The following DYNC2H1 variants were observed in gnomAD, a reference collection of about 807,000 sequenced individuals.
The protein encoded by DYNC2H1 is dynein cytoplasmic 2 heavy chain 1, also known as cytoplasmic dynein 2 heavy chain 1.
Under a neutral mutation model 570.0 loss-of-function variants are expected in DYNC2H1, and 410 were observed. The observed-to-expected ratio is 0.72, with a 90% CI of 0.66 to 0.78. The LOEUF (loss-of-function observed/expected upper bound fraction) is 0.78, where lower values mean the gene tolerates loss of function less well. Ranked by LOEUF, DYNC2H1 falls within the 30% of genes least tolerant of loss-of-function variation. The pLI is 0.00. For synonymous variants in DYNC2H1, 1,688 were observed against 1,677.6 expected (o/e 1.01, Z -0.15); for missense variants, 4,865 against 5,046.4 (o/e 0.96, Z 1.09).
chr11:103,135,343 G>A (rs1368052989), intron 15 of DYNC2H1, among the ~76,000 whole-genome samples, 152 bp from the exon 16 acceptor site: 7 of 152,096 alleles, frequency 4.6e-5, no homozygotes, highest in Non-Finnish European at 1.0e-4. Context: ...CTTATACGGA[G>A]AGTAACAAGG....
chr11:103,258,494 C>T (rs1360395518), intron 69 of DYNC2H1, among the ~76,000 whole-genome samples: 5 of 152,196 alleles, frequency 3.3e-5, no homozygotes, highest in South Asian at 2.1e-4. Context: ...TGTTTCACAA[C>T]GTCTAGGACC....
Position 103,163,928 on chromosome 11 carries a change from G to A in DYNC2H1, c.4611+781G>A, listed in dbSNP as rs192140840. ...TTTATGTTGATTTTCTGTAAGTATG[G>A]AAGCTTGGAACAGTTTACATTCTGA... is the stretch of plus-strand genomic sequence containing the variant. On this transcript the variant is annotated intron_variant, in intron 30 of 88. Transcript: ENST00000375735. The surrounding 1 kb of genome is among the most constrained non-coding windows in gnomAD (Gnocchi z 4.6). 5.5e-3 allele frequency among the ~76,000 whole-genome samples: 833 copies of A among 152,262 alleles called. 14 individuals carry two copies. The highest frequency in any genetic ancestry group is 6.8e-3 in the Middle Eastern group (2 of 294).
chr11:103,358,368 T>G lies in DYNC2H1; in HGVS notation c.12156+9T>G, dbSNP rs1483558473. ...GGAAGAAACTAAACCAGGTTAGTAG[T>G]GGAATATTCTTCTGATTCTTTTGCT... On this transcript the variant is annotated intron_variant, in intron 83 of 88. Coordinates refer to ENST00000375735, the MANE Select transcript of DYNC2H1 (RefSeq NM_001377.3). The G allele has an allele frequency of 6.6e-7, 1 of 1,524,206 alleles. No individual in the cohort carries two copies. Among genetic ancestry groups the G allele is most frequent in the Non-Finnish European group, 9.0e-7 (1 of 1,117,256 alleles). 94.4% of individuals were successfully genotyped at this position (1,524,206 alleles called of 1,614,324 possible).
intron 34 of DYNC2H1, among the ~76,000 whole-genome samples, chr11:103,171,334 C>T (rs1861560762): frequency 6.6e-6 from 1 of 151,964 alleles, no homozygotes; most frequent in African/African-American, 2.4e-5. Context: ...TGGCTCACTG[C>T]CACCTCTGCC....
chr11:103,279,901 A>G (rs927342366), intron 70 of DYNC2H1, among the ~76,000 whole-genome samples: 8 of 152,206 alleles, frequency 5.3e-5, no homozygotes, highest in African/African-American at 1.4e-4. Flanking sequence ...TTCCTGTTTG[A>G]TTTAGGAAAT....
chr11:103,413,222 A>T (rs781328051), intron 84 of DYNC2H1, among the ~76,000 whole-genome samples: 4 of 152,212 alleles, frequency 2.6e-5, no homozygotes, highest in Non-Finnish European at 4.4e-5. Flanking sequence ...TTATAAAATG[A>T]CTGGGGACCT....
At position 103,222,151 on chromosome 11, in the gene DYNC2H1, A is replaced by G. The variant is rs1591433028; in HGVS notation, c.9229A>G (p.Lys3077Glu). ...LFKNKGSFDP[K>E]NAKRASTAAA... ...TAAAAATAAAGGCTCTTTTGATCCA[A>G]AGGTAATTTTTAAGTTATACTATAA... The change falls in exon 58 of 89, where the codon AAG becomes GAG. Residue 3077 changes from lysine to glutamate, a missense_variant and splice_region_variant. Transcript: ENST00000375735. 1 of 1,539,334 alleles carries G rather than the reference A, an allele frequency of 6.5e-7. No individual in the cohort carries two copies. The highest frequency in any genetic ancestry group is 2.3e-5 in the East Asian group (1 of 44,100).
At position 103,275,617 on chromosome 11, in the gene DYNC2H1, T is replaced by C. The variant is rs2135321892; in HGVS notation, c.10696-4731T>C. Among the ~76,000 whole-genome samples, 1 of 152,338 alleles carries C rather than the reference T, an allele frequency of 6.6e-6. No individual in the cohort carries two copies. The highest frequency in any genetic ancestry group is 3.4e-3 in the Middle Eastern group (1 of 294). On this transcript the variant is annotated intron_variant, in intron 70 of 88. Transcript: ENST00000375735. The surrounding 1 kb of genome is among the most constrained non-coding windows in gnomAD (Gnocchi z 4.8). ...ATTGGAATCATACAGTATGTCAGTATGTAGCCTTTGTAGATTGTCTTCTTT... is the reference window on the plus strand; with the variant it reads ...ATTGGAATCATACAGTATGTCAGTACGTAGCCTTTGTAGATTGTCTTCTTT...
chr11:103,163,179 G>A lies in DYNC2H1; in HGVS notation c.4611+32G>A, dbSNP rs767512026. ...GGGCTTACGTGTAGAAGCTACATAGGCATGGAACGTGGAAAGATCCCTGAC... is the reference window on the plus strand; with the variant it reads ...GGGCTTACGTGTAGAAGCTACATAGACATGGAACGTGGAAAGATCCCTGAC... On this transcript the variant is annotated intron_variant, in intron 30 of 88. Transcript: ENST00000375735. The surrounding 1 kb of genome is among the most constrained non-coding windows in gnomAD (Gnocchi z 4.6). 6.9e-6 allele frequency: 11 copies of A among 1,592,836 alleles called. No homozygotes were observed. The highest frequency in any genetic ancestry group is 7.7e-6 in the Non-Finnish European group (9 of 1,169,626).
intron 20 of DYNC2H1, 103 bp downstream of exon 20, chr11:103,148,720 A>C: frequency 7.4e-7 from 1 of 1,351,212 alleles, no homozygotes; most frequent in Non-Finnish European, 9.9e-7. Context: ...TAATCTCAAC[A>C]TTATAAGGAG....
chr11:103,439,345 G>GT lies in DYNC2H1; in HGVS notation c.12456+3314dup, dbSNP rs1944178349. On this transcript the variant is annotated intron_variant, in intron 85 of 88. Coordinates refer to ENST00000375735, the MANE Select transcript of DYNC2H1 (RefSeq NM_001377.3). The surrounding 1 kb of genome is among the most constrained non-coding windows in gnomAD (Gnocchi z 4.1). ...GTTATACCAAAGTTATTGAAATTTT[G>GT]TAAAAAAAATTAATAAAAAGTAAGC... Among the ~76,000 whole-genome samples, 1 of 151,934 alleles carries GT rather than the reference G, an allele frequency of 6.6e-6. No homozygotes were observed. The highest frequency in any genetic ancestry group is 1.5e-5 in the Non-Finnish European group (1 of 67,988).
Position 103,125,154 on chromosome 11 carries a change from A to G in DYNC2H1, c.1716A>G (p.Lys572=), listed in dbSNP as rs771258199. ...TGGATTCTAATGATGGATTACTAAA[A>G]GTGCATTATTCAGATCGTTTGGTGA... ...MELDSNDGLL[K]VHYSDRLVIL... Residue 572 remains lysine, a synonymous_variant, in exon 12 of 89, where the codon AAA becomes AAG. Coordinates refer to ENST00000375735, the MANE Select transcript of DYNC2H1 (RefSeq NM_001377.3). 9.9e-6 allele frequency: 16 copies of G among 1,613,442 alleles called. No homozygotes were observed. In the East Asian group the frequency reaches 3.3e-4, roughly 34 times the overall value.
At chr11:103,194,088 C>T (rs1307414812) in intron 47 of DYNC2H1, among the ~76,000 whole-genome samples, 1 of 152,140 alleles carries the variant, frequency 6.6e-6, no homozygotes, top group African/African-American at 2.4e-5. Flanking sequence ...GCAGTTATAG[C>T]ACCACAGGAT....
intron 82 of DYNC2H1, among the ~76,000 whole-genome samples, chr11:103,342,408 T>A (rs2408595): frequency 0.22 from 32,908 of 151,926 alleles, 3,711 homozygotes; most frequent in Admixed American, 0.31. Context: ...CCCAGCCAGC[T>A]GCAGCAAGCT....
rs1432491048 is a variant in DYNC2H1 at position 103,198,069 on chromosome 11, A to G, written c.7839+6A>G. 4 of 1,550,424 alleles carry G rather than the reference A, an allele frequency of 2.6e-6. No homozygotes were observed. The highest frequency in any genetic ancestry group is 3.5e-6 in the Non-Finnish European group (4 of 1,146,260). ...TCAAGGATGTTATTAAAAAGGTATA[A>G]TATGAATCATTAATTGGAACTGGGA... is the stretch of plus-strand genomic sequence containing the variant. On this transcript the variant is annotated splice_donor_region_variant and intron_variant, in intron 48 of 88. Coordinates refer to ENST00000375735, the MANE Select transcript of DYNC2H1 (RefSeq NM_001377.3).
intron 55 of DYNC2H1, among the ~76,000 whole-genome samples, 195 bp downstream of exon 55, chr11:103,216,053 G>A (rs1203257861): frequency 2.6e-5 from 4 of 152,034 alleles, no homozygotes; most frequent in South Asian, 2.1e-4. Flanking sequence ...CTGATCACTC[G>A]GTGCACTCAG....
intron 42 of DYNC2H1, 36 bp from the exon 43 acceptor site, chr11:103,187,304 T>C: frequency 6.2e-7 from 1 of 1,608,242 alleles, no homozygotes; most frequent in Non-Finnish European, 8.5e-7. Flanking sequence ...GTTGGTTGCA[T>C]TTTTATCAAA....
Position 103,369,518 on chromosome 11 carries a change from C to T in DYNC2H1, c.12156+11159C>T, listed in dbSNP as rs184349119. Among the ~76,000 whole-genome samples the T allele has an allele frequency of 2.0e-3, 309 of 152,292 alleles. No homozygotes were observed. Among genetic ancestry groups the T allele is most frequent in the Non-Finnish European group, 3.5e-3 (239 of 68,020 alleles). On this transcript the variant is annotated intron_variant, in intron 83 of 88. Coordinates refer to ENST00000375735, the MANE Select transcript of DYNC2H1 (RefSeq NM_001377.3). This position sits in a 1 kb window ranked among gnomAD's most constrained non-coding sequence, Gnocchi z 4.0. ...AATGCTGGCATCACCCCTCTCCTAA[C>T]CTCAGGATACACAGCTCACATCTCC...
intron 47 of DYNC2H1, among the ~76,000 whole-genome samples, chr11:103,192,475 A>C (rs1428308860): frequency 6.6e-6 from 1 of 152,218 alleles, no homozygotes. Flanking sequence ...TTTTCTTAGA[A>C]AAAAGTTCAG....
Sources: allele counts gnomAD v4.1 joint callset (sites outside exome capture counted in the v4.1 genomes callset), GRCh38; gene constraint gnomAD v4.1.1; non-coding constraint Gnocchi (gnomAD v3.1); transcripts MANE v1.5; gene names NCBI Gene and HGNC (gene_info 2026-07-23, HGNC 2026-07-21).